The following TMEM132C variants were observed in gnomAD, a reference collection of about 807,000 sequenced individuals.
TMEM132C encodes the protein transmembrane protein 132C, also known as protein phosphatase 1, regulatory subunit 152.
Under a neutral mutation model 61.4 loss-of-function variants are expected in TMEM132C, and 29 were observed. The observed-to-expected ratio is 0.47, with a 90% CI of 0.35 to 0.64. The LOEUF is 0.64. Among genes scored for constraint, TMEM132C ranks in the 30% least tolerant of loss-of-function variants. The pLI is 0.00. For missense variants in TMEM132C, 1,408 were observed against 1,476.9 expected (o/e 0.95, Z 0.76); for synonymous variants, 656 against 633.1 (o/e 1.04, Z -0.54).
intron 3 of TMEM132C, among the ~76,000 whole-genome samples, chr12:128,557,619 T>C (rs993662640): frequency 1.3e-5 from 2 of 152,180 alleles, no homozygotes; most frequent in African/African-American, 4.8e-5. Flanking sequence ...ACTAGATTTC[T>C]AATATCCCCA....
At chr12:128,666,955 C>G (rs61940596) in intron 4 of TMEM132C, among the ~76,000 whole-genome samples, 1 of 152,046 alleles carries the variant, frequency 6.6e-6, no homozygotes, top group Non-Finnish European at 1.5e-5. Flanking sequence ...CTGTAGTCCC[C>G]GCTACTCGGG....
At chr12:128,268,614 G>T (rs933371588) in intron 1 of TMEM132C, among the ~76,000 whole-genome samples, 2 of 152,162 alleles carry the variant, frequency 1.3e-5, no homozygotes, top group Non-Finnish European at 2.9e-5. Context: ...TCGGCCCCAG[G>T]CTCTGAGCAG....
At chr12:128,661,771 A>G (rs898585408) in intron 4 of TMEM132C, among the ~76,000 whole-genome samples, 1 of 152,260 alleles carries the variant, frequency 6.6e-6, no homozygotes, top group African/African-American at 2.4e-5. Flanking sequence ...TGCTCCAGCT[A>G]TACAAACAGG....
At chr12:128,551,803 A>C (rs1186341470) in intron 3 of TMEM132C, among the ~76,000 whole-genome samples, 1 of 152,064 alleles carries the variant, frequency 6.6e-6, no homozygotes, top group Non-Finnish European at 1.5e-5. Context: ...TGTCCGGGTG[A>C]GTCTGAGTAG....
chr12:128,377,354 G>A (rs1369769512), intron 1 of TMEM132C, among the ~76,000 whole-genome samples: 2 of 152,158 alleles, frequency 1.3e-5, no homozygotes, highest in South Asian at 2.1e-4. Context: ...TGCCTGGCCC[G>A]AGAATCTTTT....
intron 2 of TMEM132C, among the ~76,000 whole-genome samples, chr12:128,506,956 A>T (rs1357892871): frequency 6.6e-6 from 1 of 152,174 alleles, no homozygotes; most frequent in Non-Finnish European, 1.5e-5. Flanking sequence ...AGCATTGTGA[A>T]CTAGTGGTGG....
intron 2 of TMEM132C, among the ~76,000 whole-genome samples, chr12:128,531,118 C>T (rs76601298): frequency 0.025 from 3,861 of 152,140 alleles, 174 homozygotes; most frequent in East Asian, 0.15. Context: ...AGAAACATTC[C>T]TTTTGCTAAA....
At chr12:128,659,272 T>C (rs1253240783) in intron 4 of TMEM132C, among the ~76,000 whole-genome samples, 1 of 152,224 alleles carries the variant, frequency 6.6e-6, no homozygotes, top group Non-Finnish European at 1.5e-5. Flanking sequence ...TCCTGTGTCT[T>C]ATTCATCAGT....
intron 1 of TMEM132C, among the ~76,000 whole-genome samples, chr12:128,310,823 G>C (rs1566051912): frequency 6.6e-6 from 1 of 152,182 alleles, no homozygotes; most frequent in Non-Finnish European, 1.5e-5. Flanking sequence ...AGATAGATTA[G>C]CAAGGTGATT....
In TMEM132C at chr12:128,704,708, G is replaced by A. The variant is rs190336115; in HGVS notation, c.2122-382G>A. 6.8e-4 allele frequency among the ~76,000 whole-genome samples: 103 copies of A among 152,308 alleles called. 1 individual carries two copies. The highest frequency in any genetic ancestry group is 2.4e-3 in the African/African-American group (101 of 41,568). ...TCATACTTAGGCCACTAATCACAGA[G>A]TGTGTGACAAAATGACCAGGGCCTG... On this transcript the variant is annotated intron_variant, in intron 8 of 8. Coordinates refer to ENST00000435159, the MANE Select transcript of TMEM132C (RefSeq NM_001136103.3).
At chr12:128,351,259 A>G (rs918139054) in intron 1 of TMEM132C, among the ~76,000 whole-genome samples, 3 of 152,174 alleles carry the variant, frequency 2.0e-5, no homozygotes, top group Admixed American at 6.6e-5. Flanking sequence ...TCTGTGTACT[A>G]TAAGGAGACT....
chr12:128,594,713 G>A (rs1875885320), intron 3 of TMEM132C, among the ~76,000 whole-genome samples: 1 of 152,182 alleles, frequency 6.6e-6, no homozygotes, highest in South Asian at 2.1e-4. Flanking sequence ...TGAACACAGT[G>A]TTATTCAATT....
At chr12:128,346,379 C>T (rs2135958598) in intron 1 of TMEM132C, among the ~76,000 whole-genome samples, 1 of 152,196 alleles carries the variant, frequency 6.6e-6, no homozygotes, top group Middle Eastern at 3.4e-3. Context: ...ATTGCCTTGG[C>T]TATTTGGGTT....
At chr12:128,345,696 G>A (rs1873137937) in intron 1 of TMEM132C, among the ~76,000 whole-genome samples, 1 of 152,018 alleles carries the variant, frequency 6.6e-6, no homozygotes, top group Admixed American at 6.5e-5. Flanking sequence ...ATGATTGTTG[G>A]CCGCATATAT....
At chr12:128,704,957 T>C (rs1212458587) in intron 8 of TMEM132C, 133 bp from the exon 9 acceptor site, 5 of 958,842 alleles carry the variant, frequency 5.2e-6, no homozygotes, top group Non-Finnish European at 7.5e-6. Context: ...GTATGATTTC[T>C]CCCCAGATGC....
intron 5 of TMEM132C, among the ~76,000 whole-genome samples, chr12:128,686,685 A>G (rs1431913212): frequency 6.6e-6 from 1 of 152,178 alleles, no homozygotes; most frequent in East Asian, 1.9e-4. Context: ...TTCAACACGT[A>G]CTTATTGAGC....
chr12:128,558,477 G>C (rs1445326578), intron 3 of TMEM132C, among the ~76,000 whole-genome samples: 1 of 152,180 alleles, frequency 6.6e-6, no homozygotes, highest in Non-Finnish European at 1.5e-5. Flanking sequence ...ATGTGACTTT[G>C]CTCCTCCTTT....
intron 2 of TMEM132C, among the ~76,000 whole-genome samples, chr12:128,457,206 T>G (rs1479443215): frequency 3.3e-5 from 5 of 151,568 alleles, no homozygotes; most frequent in Non-Finnish European, 2.9e-5. Flanking sequence ...GAACTGCCAG[T>G]TTTTCAAAGT....
intron 2 of TMEM132C, among the ~76,000 whole-genome samples, chr12:128,497,996 G>A (rs1872028892): frequency 6.6e-6 from 1 of 152,122 alleles, no homozygotes; most frequent in Non-Finnish European, 1.5e-5. Flanking sequence ...AGTTCTTTAT[G>A]AGAGAAACTT....
Sources: gnomAD v4.1 joint callset for allele counts (sites outside exome capture counted in the v4.1 genomes callset) on GRCh38, gnomAD v4.1.1 for gene constraint, MANE v1.5 for transcripts, NCBI Gene and HGNC (gene_info 2026-07-23, HGNC 2026-07-21) for gene names.